LIMCH1: variants seen among roughly 807,000 people sequenced by gnomAD.
LIMCH1 encodes the protein LIM and calponin homology domains 1.
Under a neutral mutation model 176.5 loss-of-function variants are expected in LIMCH1, and 113 were observed. The observed-to-expected ratio is 0.64, with a 90% CI of 0.55 to 0.75. LIMCH1 has a LOEUF of 0.75. Among genes scored for constraint, LIMCH1 ranks in the 30% least tolerant of loss-of-function variants. LIMCH1 has a pLI of 0.00. For synonymous variants in LIMCH1, 619 were observed against 645.9 expected (o/e 0.96, Z 0.63); for missense variants, 1,674 against 1,814.9 (o/e 0.92, Z 1.41).
chr4:41,501,857 CTTTTTTTTTTTTTTTTTTTT>C (rs71198662), intron 2 of LIMCH1, among the ~76,000 whole-genome samples: 44 of 74,986 alleles, frequency 5.9e-4, no homozygotes, highest in African/African-American at 2.0e-3. Context: ...GTGTAGAATC[CTTTTTTTTTTTTTTTTTTTT>C]TTTTTTTTTA....
At chr4:41,420,785 A>C (rs930507555) in intron 1 of LIMCH1, among the ~76,000 whole-genome samples, 19 of 152,330 alleles carry the variant, frequency 1.2e-4, no homozygotes, top group African/African-American at 4.6e-4. Context: ...TGGCCTGGAA[A>C]TTTGATGGCA....
Position 41,652,290 on chromosome 4 carries a change from G to A in LIMCH1, c.3036+1682G>A, listed in dbSNP as rs183101057. On this transcript the variant is annotated intron_variant, in intron 18 of 31. Transcript: ENST00000503057. ...AGTTGAGAAGATATAATTCTTCCAC[G>A]CAGTACCCAAGTGCTCTGTGAAAGA... Among the ~76,000 whole-genome samples the A allele has an allele frequency of 3.8e-3, 570 of 151,704 alleles. 4 individuals are homozygous for A. The highest frequency in any genetic ancestry group is 0.012 in the African/African-American group (490 of 41,350).
intron 1 of LIMCH1, among the ~76,000 whole-genome samples, chr4:41,367,396 T>G (rs1300200583): frequency 1.3e-5 from 2 of 152,308 alleles, no homozygotes; most frequent in South Asian, 4.1e-4. Flanking sequence ...GTTTCCACTG[T>G]CCTGCATTTT....
At chr4:41,641,787 T>G (rs576657576) in intron 14 of LIMCH1, among the ~76,000 whole-genome samples, 10 of 151,886 alleles carry the variant, frequency 6.6e-5, no homozygotes, top group Non-Finnish European at 1.5e-4. Flanking sequence ...ATTCAAAGAG[T>G]TTTGGAGTTT....
rs773608370 is a variant in LIMCH1 at position 41,397,796 on chromosome 4, A to G, written c.96+36860A>G. ...GTGACTTTGTCAATTTCTCCTTACA[A>G]TCTTATCAGTCTGACATATGTATTG... On this transcript the variant is annotated intron_variant, in intron 1 of 26. Coordinates refer to the LIMCH1 transcript ENST00000313860. Among the ~76,000 whole-genome samples, 7 of 152,292 alleles carry G rather than the reference A, an allele frequency of 4.6e-5. No individual in the cohort carries two copies. The East Asian group carries it at 5.8e-4, about 13-fold the overall frequency.
At position 41,596,060 on chromosome 4, in the gene LIMCH1, AAT is replaced by A. The variant is rs202189164; in HGVS notation, c.-240-2858_-240-2857del. ...TGAGACTCCATCTCAAAAAAAAAAA[AAT>A]AAAAAAGTTCACCAGCAAGCTTTGA... On this transcript the variant is annotated intron_variant, in intron 1 of 31. Transcript: ENST00000503057. Among the ~76,000 whole-genome samples, 773 of 139,034 alleles carry A rather than the reference AAT, an allele frequency of 5.6e-3. 68 individuals carry two copies. Among genetic ancestry groups the A allele is most frequent in the African/African-American group, 0.022 (677 of 30,338 alleles). The allele number at this position is 139,034 out of a possible 152,430, so 91.2% of individuals were successfully genotyped here. A position where few individuals can be genotyped will look rare whatever the true frequency, so the allele number is the denominator to read the frequency against.
intron 2 of LIMCH1, among the ~76,000 whole-genome samples, chr4:41,603,512 A>G (rs1356975897): frequency 6.6e-6 from 1 of 152,204 alleles, no homozygotes; most frequent in African/African-American, 2.4e-5. Context: ...TTGGAAGTGC[A>G]GTCGGATTTC....
intron 4 of LIMCH1, among the ~76,000 whole-genome samples, chr4:41,608,616 G>A (rs2091036471): frequency 6.6e-6 from 1 of 152,162 alleles, no homozygotes; most frequent in Non-Finnish European, 1.5e-5. Flanking sequence ...CCCAGGTAGA[G>A]CCCTTGGCAT....
rs552942932 is a variant in LIMCH1 at position 41,672,899 on chromosome 4, C to T, written c.3438+1305C>T. Among the ~76,000 whole-genome samples, 18 of 152,272 alleles carry T rather than the reference C, an allele frequency of 1.2e-4. No homozygotes were observed. In the South Asian group the frequency reaches 2.9e-3, roughly 25 times the overall value. On this transcript the variant is annotated intron_variant, in intron 22 of 31. Transcript: ENST00000503057. ...TTCTCTGACCCTCATCTTCCTTGAC[C>T]GTACAGTAAGATGACAGTACTTTTC...
Position 41,646,466 on chromosome 4 carries a change from C to T in LIMCH1, c.2412-19C>T. On this transcript the variant is annotated intron_variant, in intron 16 of 31. Transcript: ENST00000503057. Reference sequence around the variant, plus strand: ...TTTTCATTAGTTGACTTTGTTATTGCTTCTCCCATGTCCTTTAGAGAGCGG... The same window carrying T: ...TTTTCATTAGTTGACTTTGTTATTGTTTCTCCCATGTCCTTTAGAGAGCGG... 1 of 1,598,400 alleles carries T rather than the reference C, an allele frequency of 6.3e-7. No individual in the cohort carries two copies. Among genetic ancestry groups the T allele is most frequent in the South Asian group, 1.1e-5 (1 of 88,860 alleles).
At chr4:41,443,936 A>G (rs578252133) in intron 1 of LIMCH1, among the ~76,000 whole-genome samples, 13 of 152,230 alleles carry the variant, frequency 8.5e-5, no homozygotes, top group Non-Finnish European at 1.6e-4. Context: ...TAAAACTCGT[A>G]GACTCAAGGA....
At chr4:41,546,544 TTTC>T (rs1374317534) in intron 1 of LIMCH1, among the ~76,000 whole-genome samples, 2 of 152,088 alleles carry the variant, frequency 1.3e-5, no homozygotes, top group South Asian at 2.1e-4. Flanking sequence ...TTTTCTCAAC[TTTC>T]TTCTTTTTTA....
At chr4:41,518,316 T>C (rs1046467272) in intron 2 of LIMCH1, among the ~76,000 whole-genome samples, 6 of 152,190 alleles carry the variant, frequency 3.9e-5, no homozygotes, top group African/African-American at 1.4e-4. Flanking sequence ...AGAACTACTA[T>C]ATGGGCTGTT....
intron 1 of LIMCH1, among the ~76,000 whole-genome samples, chr4:41,488,721 A>G (rs1195936533): frequency 6.6e-6 from 1 of 152,200 alleles, no homozygotes; most frequent in Non-Finnish European, 1.5e-5. Context: ...AAAAATTTAA[A>G]AAGTAAAGTA....
chr4:41,608,657 T>C (rs1220401584), intron 4 of LIMCH1, among the ~76,000 whole-genome samples: 2 of 152,098 alleles, frequency 1.3e-5, no homozygotes, highest in Non-Finnish European at 2.9e-5. Flanking sequence ...TATTCATAGA[T>C]TGCTGCTACT....
chr4:41,569,669 A>C (rs2083259090), intron 1 of LIMCH1, among the ~76,000 whole-genome samples: 1 of 152,180 alleles, frequency 6.6e-6, no homozygotes, highest in African/African-American at 2.4e-5. Flanking sequence ...TATTGTATGT[A>C]CTCGGATTAC....
At chr4:41,425,211 A>G (rs1365655686) in intron 1 of LIMCH1, among the ~76,000 whole-genome samples, 1 of 152,232 alleles carries the variant, frequency 6.6e-6, no homozygotes, top group Non-Finnish European at 1.5e-5. Context: ...TTGTTTTAAT[A>G]CAGAGAGAGA....
At chr4:41,363,238 T>G (rs1372439208) in intron 1 of LIMCH1, among the ~76,000 whole-genome samples, 3 of 152,094 alleles carry the variant, frequency 2.0e-5, no homozygotes, top group Admixed American at 6.5e-5. Context: ...ATTCCTCAGC[T>G]AATACAGCAA....
chr4:41,446,078 G>C (rs2063256829), intron 1 of LIMCH1, among the ~76,000 whole-genome samples: 1 of 152,202 alleles, frequency 6.6e-6, no homozygotes, highest in East Asian at 1.9e-4. Flanking sequence ...GGTTCTTCTT[G>C]TCAAAGGGTT....
Sources: allele counts gnomAD v4.1 joint callset (sites outside exome capture counted in the v4.1 genomes callset), GRCh38; gene constraint gnomAD v4.1.1; transcripts MANE v1.5; gene names NCBI Gene and HGNC (gene_info 2026-07-23, HGNC 2026-07-21).